The following AOC3 variants were observed in gnomAD, a reference collection of about 807,000 sequenced individuals.
AOC3 encodes amine oxidase copper containing 3, also known as amine oxidase [copper-containing] 3.
A neutral mutation model predicts 55.4 loss-of-function variants in AOC3; 47 were observed. That is an observed-to-expected ratio of 0.85 (90% CI 0.67 to 1.08). AOC3 has a LOEUF of 1.08. Among genes scored for constraint, AOC3 ranks in the 50% least tolerant of loss-of-function variants. The pLI is 0.00. For missense variants in AOC3, 853 were observed against 993.1 expected, an observed-to-expected ratio of 0.86 and a Z score of 1.90; for synonymous variants, 386 against 410.7, an observed-to-expected ratio of 0.94 and a Z score of 0.73.
chr17:42,857,481 T>C lies in AOC3; in HGVS notation c.*931T>C, dbSNP rs1567693534. The C allele has an allele frequency of 6.6e-6, 1 of 151,966 alleles. No homozygotes were observed. The highest frequency in any genetic ancestry group is 6.6e-5 in the Admixed American group (1 of 15,244). 9.4% of individuals were successfully genotyped at this position (151,966 alleles called of 1,614,324 possible). A position where few individuals can be genotyped will look rare whatever the true frequency, so the allele number is the denominator to read the frequency against. On this transcript the variant is annotated 3_prime_UTR_variant, in exon 4 of 4. Transcript: ENST00000308423. ...CAACAGCCTGTTTGGGAGGCTGGAG[T>C]GGAAACAAAGGGTGGGCATCAAAGA...
At chr17:42,853,145 T>C (rs1023507981) in intron 1 of AOC3, 19 of 1,381,464 alleles carry the variant, frequency 1.4e-5, no homozygotes, top group Non-Finnish European at 1.6e-5. Flanking sequence ...AGCCTTCCTC[T>C]ACGTGACCTC....
In AOC3 at chr17:42,852,444, G is replaced by A. The variant is rs1409054157; in HGVS notation, c.1101G>A (p.Glu367=). The A allele has an allele frequency of 2.5e-6, 4 of 1,614,098 alleles. No homozygotes were observed. Among genetic ancestry groups the A allele is most frequent in the Non-Finnish European group, 3.4e-6 (4 of 1,180,054 alleles). The stretch of plus-strand genomic sequence containing the variant: ...TAGTTTATGAGATAAGCCTCCAAGA[G>A]GCCTTGGCCATCTATGGTGGAAATT... ...ERLVYEISLQ[E]ALAIYGGNSP... The change falls in exon 1 of 4, where the codon GAG becomes GAA. Residue 367 remains glutamate (E), a synonymous_variant. Coordinates refer to ENST00000308423, the MANE Select transcript of AOC3 (RefSeq NM_003734.4).
intron 1 of AOC3, chr17:42,853,488 T>G (rs191777845): frequency 1.1e-4 from 85 of 795,040 alleles, no homozygotes; most frequent in Middle Eastern, 1.3e-3. Context: ...GCATTCTGGA[T>G]AGATCCTGGA....
At position 42,856,504 on chromosome 17, in the gene AOC3, C is replaced by T. The variant is rs34012919; in HGVS notation, c.2246C>T (p.Ala749Val). 32 of 1,607,726 alleles carry T rather than the reference C, an allele frequency of 2.0e-5. No homozygotes were observed. The African/African-American group carries it at 3.2e-4, about 16-fold the overall frequency. ...TGCCTGCCCCAGGCTGCTGCCTGTGCCCCCGACCTCCCTGCCTTCTCCCAC... is the reference window on the plus strand; with the variant it reads ...TGCCTGCCCCAGGCTGCTGCCTGTGTCCCCGACCTCCCTGCCTTCTCCCAC... Reference protein sequence around the residue: ...LACLPQAAACAPDLPAFSHGG... With the variant: ...LACLPQAAACVPDLPAFSHGG... The change falls in exon 4 of 4, where the codon GCC (alanine) becomes GTC (valine). Residue 749 changes from alanine (A) to valine (V), a missense_variant. Transcript: ENST00000308423.
At chr17:42,855,413 G>T in intron 2 of AOC3, 31 bp from the exon 3 acceptor site, 1 of 1,585,102 alleles carries the variant, frequency 6.3e-7, no homozygotes, top group Non-Finnish European at 8.6e-7. Flanking sequence ...TGGGGTCAAT[G>T]GCCATGGAGG....
intron 1 of AOC3, 69 bp from the exon 2 acceptor site, chr17:42,854,379 G>A: frequency 7.3e-7 from 1 of 1,378,998 alleles, no homozygotes. Flanking sequence ...TCTGAAGCCA[G>A]ATGGGGGCAG....
rs774977134 is a variant in AOC3 at position 42,852,834 on chromosome 17, G to A, written c.1491G>A (p.Ser497=). The A allele has an allele frequency of 1.7e-5, 27 of 1,613,888 alleles. No individual in the cohort carries two copies. Among genetic ancestry groups the A allele is most frequent in the South Asian group, 2.2e-5 (2 of 91,088 alleles). The change falls in exon 1 of 4, where the codon TCG becomes TCA. Residue 497 remains serine (S), a synonymous_variant. Coordinates refer to ENST00000308423, the MANE Select transcript of AOC3 (RefSeq NM_003734.4). ...TCTATGCCACGGGCTACATCAGCTC[G>A]GCATTCCTCTTTGGTGCTACTGGGA... The part of the protein sequence containing the change: ...IRFYATGYIS[S]AFLFGATGKY...
chr17:42,851,377 C>G lies in AOC3; in HGVS notation c.34C>G (p.Leu12Val). The G allele has an allele frequency of 6.2e-7, 1 of 1,610,422 alleles. No homozygotes were observed. Among genetic ancestry groups the G allele is most frequent in the Non-Finnish European group, 8.5e-7 (1 of 1,177,892 alleles). The change falls in exon 1 of 4, where the codon CTG (leucine) becomes GTG (valine). Residue 12 changes from leucine to valine, a missense_variant. Leu to Val is a conservative substitution (Grantham distance 32, BLOSUM62 1). Coordinates refer to ENST00000308423, the MANE Select transcript of AOC3 (RefSeq NM_003734.4). Reference protein sequence around the residue: ...NQKTILVLLILAVITIFALVC... With the variant: ...NQKTILVLLIVAVITIFALVC... Reference sequence around the variant, plus strand: ...GAAGACAATCCTCGTGCTCCTCATTCTGGCCGTCATCACCATCTTTGCCTT... The same window carrying G: ...GAAGACAATCCTCGTGCTCCTCATTGTGGCCGTCATCACCATCTTTGCCTT...
At position 42,852,220 on chromosome 17, in the gene AOC3, G is replaced by GACAATGGC. The variant is rs1484197000; in HGVS notation, c.881_888dup (p.Gly297MetfsTer9). ...CCTGGTGAATGTGGTGCTGATCCCA[G>GACAATGGC]ACAATGGCACAGGTGGGTCCTGGTC... On this transcript the variant is annotated frameshift_variant, in exon 1 of 4. Coordinates refer to ENST00000308423, the MANE Select transcript of AOC3 (RefSeq NM_003734.4). LOFTEE classifies it high-confidence loss of function. 3.1e-6 allele frequency: 5 copies of GACAATGGC among 1,613,460 alleles called. No individual in the cohort carries two copies. The highest frequency in any genetic ancestry group is 4.2e-6 in the Non-Finnish European group (5 of 1,179,798).
At position 42,852,443 on chromosome 17, in the gene AOC3, A is replaced by G. The variant is rs764994709; in HGVS notation, c.1100A>G (p.Glu367Gly). The change falls in exon 1 of 4, where the codon GAG becomes GGG. Residue 367 changes from glutamate to glycine, a missense_variant. Coordinates refer to ENST00000308423, the MANE Select transcript of AOC3 (RefSeq NM_003734.4). ...ERLVYEISLQEALAIYGGNSP... is the reference protein window; with the variant it reads ...ERLVYEISLQGALAIYGGNSP... ...CTAGTTTATGAGATAAGCCTCCAAG[A>G]GGCCTTGGCCATCTATGGTGGAAAT... 1 of 1,614,204 alleles carries G rather than the reference A, an allele frequency of 6.2e-7. No homozygotes were observed. Among genetic ancestry groups the G allele is most frequent in the East Asian group, 2.2e-5 (1 of 44,880 alleles).
intron 3 of AOC3, among the ~76,000 whole-genome samples, chr17:42,855,971 C>A (rs1223702792): frequency 1.3e-5 from 2 of 152,212 alleles, no homozygotes; most frequent in Admixed American, 6.5e-5. Context: ...ACCCTTCTTT[C>A]CTCAGTTGTG....
chr17:42,854,573 G>A lies in AOC3; in HGVS notation c.1726G>A (p.Ala576Thr), dbSNP rs201738850. 4.2e-5 allele frequency: 67 copies of A among 1,610,134 alleles called. No individual in the cohort carries two copies. Among genetic ancestry groups the A allele is most frequent in the African/African-American group, 6.7e-5 (5 of 74,878 alleles). ...GCTGCTGGAGATGGAGGAGCAGGCC[G>A]CCTTCCTCGTGGGAAGCGCCACCCC... ...RKLLEMEEQA[A>T]FLVGSATPRY... Residue 576 changes from alanine to threonine, a missense_variant, in exon 2 of 4, where the codon GCC (alanine) becomes ACC (threonine). Ala to Thr is a moderately conservative substitution (Grantham distance 58, BLOSUM62 0). Coordinates refer to ENST00000308423, the MANE Select transcript of AOC3 (RefSeq NM_003734.4).
rs1279634658 is a variant in AOC3, at chr17:42,851,877, C to A, written c.534C>A (p.Asp178Glu). The A allele has an allele frequency of 6.2e-7, 1 of 1,613,734 alleles. No individual in the cohort carries two copies. The highest frequency in any genetic ancestry group is 1.7e-5 in the Admixed American group (1 of 60,030). The part of the protein sequence containing the change: ...RRPVLFQEYL[D>E]IDQMIFNREL... ...CCGTGCTGTTCCAAGAGTACCTGGA[C>A]ATAGACCAGATGATCTTCAACAGAG... is the stretch of plus-strand genomic sequence containing the variant. The change falls in exon 1 of 4, where the codon GAC becomes GAA. Residue 178 changes from aspartate to glutamate, a missense_variant. Coordinates refer to ENST00000308423, the MANE Select transcript of AOC3 (RefSeq NM_003734.4).
chr17:42,854,039 A>C, intron 1 of AOC3: 6 of 160,186 alleles, frequency 3.7e-5, no homozygotes, highest in Non-Finnish European at 5.4e-5. Flanking sequence ...GTTGCCCGGA[A>C]GGGCCCCCTT....
chr17:42,853,087 T>C, intron 1 of AOC3, 144 bp downstream of exon 1: 2 of 1,338,042 alleles, frequency 1.5e-6, no homozygotes, highest in Non-Finnish European at 2.0e-6. Context: ...GAGAGTTGGC[T>C]GCTGAGTTTT....
chr17:42,855,643 T>C, intron 3 of AOC3, 70 bp downstream of exon 3: 1 of 1,598,542 alleles, frequency 6.3e-7, no homozygotes, highest in Non-Finnish European at 8.6e-7. Flanking sequence ...GAAAACCACC[T>C]GCACTTCTCA....
rs2355685 is a variant in AOC3, at chr17:42,851,931, C to T, written c.588C>T (p.His196=). The change falls in exon 1 of 4, where the codon CAC becomes CAT. Residue 196 remains histidine, a synonymous_variant. Transcript: ENST00000308423. ...RELPQASGLL[H]HCCFYKHRGR... ...TGCCCCAGGCTTCTGGGCTTCTCCA[C>T]CACTGTTGCTTCTACAAGCACCGGG... The T allele has an allele frequency of 1.7e-5, 27 of 1,613,634 alleles. No individual in the cohort carries two copies. Among genetic ancestry groups the T allele is most frequent in the Admixed American group, 8.3e-5 (5 of 60,020 alleles).
rs146596949 is a variant in AOC3 at position 42,854,572 on chromosome 17, C to T, written c.1725C>T (p.Ala575=). 6.1e-4 allele frequency: 989 copies of T among 1,610,366 alleles called. 1 individual carries two copies. The highest frequency in any genetic ancestry group is 6.6e-4 in the Non-Finnish European group (778 of 1,178,256). ...AGCTGCTGGAGATGGAGGAGCAGGC[C>T]GCCTTCCTCGTGGGAAGCGCCACCC... The part of the protein sequence containing the change: ...TRKLLEMEEQ[A]AFLVGSATPR... The change falls in exon 2 of 4, where the codon GCC becomes GCT. Residue 575 remains alanine, a synonymous_variant. Transcript: ENST00000308423.
At position 42,857,984 on chromosome 17, in the gene AOC3, A is replaced by G. The variant is rs2055772730; in HGVS notation, c.*1434A>G. 6.6e-6 allele frequency: 1 copy of G among 152,210 alleles called. No homozygotes were observed. The highest frequency in any genetic ancestry group is 2.4e-5 in the African/African-American group (1 of 41,448). The allele number at this position is 152,210 out of a possible 1,614,324, so 9.4% of individuals were successfully genotyped here. On this transcript the variant is annotated 3_prime_UTR_variant, in exon 4 of 4. Transcript: ENST00000308423. ...TGCCTATTCAGAATAAATGGGTAACACTGATTACTTTTGGGAGGGGAACCA... is the reference window on the plus strand; with the variant it reads ...TGCCTATTCAGAATAAATGGGTAACGCTGATTACTTTTGGGAGGGGAACCA...
Sources: allele counts gnomAD v4.1 joint callset (sites outside exome capture counted in the v4.1 genomes callset), GRCh38; gene constraint gnomAD v4.1.1; transcripts MANE v1.5; gene names NCBI Gene and HGNC (gene_info 2026-07-23, HGNC 2026-07-21).